The following PAPPA2 variants were observed in gnomAD, a reference collection of about 807,000 sequenced individuals.
PAPPA2 encodes pappalysin-2.
In PAPPA2, 86 loss-of-function variants were observed where a neutral mutation model predicts 176.4. The observed-to-expected ratio is 0.49, with a 90% CI of 0.41 to 0.58. The LOEUF (loss-of-function observed/expected upper bound fraction) is 0.58. Among genes scored for constraint, PAPPA2 ranks in the 20% least tolerant of loss-of-function variants. PAPPA2 has a pLI of 0.00. For missense variants in PAPPA2, 2,073 were observed against 2,256.9 expected (o/e 0.92, Z 1.65); for synonymous variants, 809 against 852.2 (o/e 0.95, Z 0.88).
At chr1:176,805,878 A>G (rs1333357888) in intron 21 of PAPPA2, among the ~76,000 whole-genome samples, 1 of 151,282 alleles carries the variant, frequency 6.6e-6, no homozygotes, top group African/African-American at 2.4e-5. Context: ...GTCCCCAGAT[A>G]CTCAGGAGGC....
chr1:176,488,117 G>A (rs1254690003), intron 1 of PAPPA2, among the ~76,000 whole-genome samples: 1 of 152,120 alleles, frequency 6.6e-6, no homozygotes, highest in African/African-American at 2.4e-5. Flanking sequence ...TGCGTGGATA[G>A]AAAATAGGCC....
At chr1:176,670,507 T>C (rs1658930493) in intron 3 of PAPPA2, among the ~76,000 whole-genome samples, 1 of 152,224 alleles carries the variant, frequency 6.6e-6, no homozygotes, top group African/African-American at 2.4e-5. Context: ...CTTTTTTCTT[T>C]TAAAAATAAT....
intron 1 of PAPPA2, among the ~76,000 whole-genome samples, chr1:176,481,860 A>G (rs1160963976): frequency 6.7e-6 from 1 of 149,882 alleles, no homozygotes; most frequent in Non-Finnish European, 1.5e-5. Context: ...GTGCACCACT[A>G]TGCCTGGCTA....
In PAPPA2 at chr1:176,595,308, C is replaced by T. The variant is rs372971723; in HGVS notation, c.1704C>T (p.Ser568=). The T allele has an allele frequency of 1.2e-5, 19 of 1,614,080 alleles. No individual in the cohort carries two copies. Among genetic ancestry groups the T allele is most frequent in the South Asian group, 9.9e-5 (9 of 91,090 alleles). The change falls in exon 3 of 23, where the codon AGC becomes AGT. Residue 568 remains serine, a synonymous_variant. Coordinates refer to ENST00000367662, the MANE Select transcript of PAPPA2 (RefSeq NM_020318.3). The part of the protein sequence containing the change: ...FSRYNISWQL[S]VHQVHNSTLR... ...GCTACAACATCAGCTGGCAGCTGAG[C>T]GTCCACCAGGTCCACAATTCCACCC...
rs1042783395 is a variant in PAPPA2 at position 176,479,756 on chromosome 1, G to C, written c.-917+16338G>C. Among the ~76,000 whole-genome samples, 3 of 152,168 alleles carry C rather than the reference G, an allele frequency of 2.0e-5. No homozygotes were observed. In the East Asian group the frequency reaches 5.8e-4, roughly 29 times the overall value. On this transcript the variant is annotated intron_variant, in intron 1 of 22. Coordinates refer to ENST00000367662, the MANE Select transcript of PAPPA2 (RefSeq NM_020318.3). The stretch of plus-strand genomic sequence containing the variant: ...TCTATAGAAAAAGTTTGAATACCTT[G>C]CTTTCTGCATGGAATTTAGGAAATT...
At chr1:176,724,803 T>C (rs1362365866) in intron 12 of PAPPA2, among the ~76,000 whole-genome samples, 3 of 152,244 alleles carry the variant, frequency 2.0e-5, no homozygotes, top group Non-Finnish European at 2.9e-5. Context: ...AACGCATTGA[T>C]TGAAATTTAT....
chr1:176,697,040 T>G (rs1025736754), intron 7 of PAPPA2, among the ~76,000 whole-genome samples: 2 of 152,040 alleles, frequency 1.3e-5, no homozygotes, highest in Non-Finnish European at 2.9e-5. Context: ...AAGGGCCATT[T>G]TGTGTGTGTG....
At chr1:176,589,801 C>G (rs1416659572) in intron 2 of PAPPA2, among the ~76,000 whole-genome samples, 1 of 152,212 alleles carries the variant, frequency 6.6e-6, no homozygotes, top group Non-Finnish European at 1.5e-5. Context: ...TCAAGAGTTT[C>G]ACCAAGTATA....
At chr1:176,708,521 A>G (rs1660986811) in intron 10 of PAPPA2, among the ~76,000 whole-genome samples, 2 of 141,992 alleles carry the variant, frequency 1.4e-5, no homozygotes, top group South Asian at 4.5e-4. Context: ...ACAAAACTAT[A>G]CGTACATGTA....
chr1:176,798,414 T>C (rs1665536123), intron 20 of PAPPA2, among the ~76,000 whole-genome samples: 1 of 152,180 alleles, frequency 6.6e-6, no homozygotes, highest in Non-Finnish European at 1.5e-5. Context: ...ATTGAATAAC[T>C]GACTGATTAG....
intron 21 of PAPPA2, among the ~76,000 whole-genome samples, chr1:176,828,167 G>A (rs568374999): frequency 2.6e-5 from 4 of 152,094 alleles, no homozygotes; most frequent in East Asian, 1.9e-4. Context: ...CCCTATCATC[G>A]TGATCAGACA....
intron 12 of PAPPA2, among the ~76,000 whole-genome samples, chr1:176,719,549 A>T (rs1290433455): frequency 6.6e-6 from 1 of 152,068 alleles, no homozygotes; most frequent in Non-Finnish European, 1.5e-5. Flanking sequence ...AGTTCCTTTA[A>T]CGTAAGTTTT....
chr1:176,740,510 A>G (rs1662628569), intron 14 of PAPPA2, among the ~76,000 whole-genome samples: 1 of 152,182 alleles, frequency 6.6e-6, no homozygotes, highest in Non-Finnish European at 1.5e-5. Flanking sequence ...AACTGCCAAA[A>G]ATTCTCTGCC....
At chr1:176,598,880 C>G (rs1654128997) in intron 3 of PAPPA2, among the ~76,000 whole-genome samples, 1 of 152,014 alleles carries the variant, frequency 6.6e-6, no homozygotes, top group Admixed American at 6.5e-5. Context: ...GCTACTGTGT[C>G]CTGAATTACA....
At chr1:176,691,580 C>A (rs531070770) in intron 5 of PAPPA2, among the ~76,000 whole-genome samples, 3 of 152,294 alleles carry the variant, frequency 2.0e-5, no homozygotes, top group Admixed American at 2.0e-4. Context: ...AAGTTCCTGG[C>A]ACTAAGAAAA....
chr1:176,535,262 C>T (rs935204271), intron 1 of PAPPA2, among the ~76,000 whole-genome samples: 3 of 152,154 alleles, frequency 2.0e-5, no homozygotes, highest in Non-Finnish European at 4.4e-5. Context: ...CCATGTTGCA[C>T]TATGAGGCAG....
intron 3 of PAPPA2, among the ~76,000 whole-genome samples, chr1:176,637,530 T>A (rs565879124): frequency 6.6e-6 from 1 of 152,246 alleles, no homozygotes; most frequent in African/African-American, 2.4e-5. Flanking sequence ...ATCACTGAAT[T>A]TGTGGGACAG....
At chr1:176,728,632 G>T (rs976953772) in intron 12 of PAPPA2, among the ~76,000 whole-genome samples, 1 of 151,724 alleles carries the variant, frequency 6.6e-6, no homozygotes, top group Non-Finnish European at 1.5e-5. Context: ...ATCCAAACAA[G>T]ATATTCAAAA....
At chr1:176,591,121 ACAC>A (rs1653637335) in intron 2 of PAPPA2, among the ~76,000 whole-genome samples, 1 of 150,640 alleles carries the variant, frequency 6.6e-6, no homozygotes, top group South Asian at 2.1e-4. Flanking sequence ...ACACACACAC[ACAC>A]AAAATTCCAG....
Sources: allele counts gnomAD v4.1 joint callset (sites outside exome capture counted in the v4.1 genomes callset), GRCh38; gene constraint gnomAD v4.1.1; transcripts MANE v1.5; gene names NCBI Gene and HGNC (gene_info 2026-07-23, HGNC 2026-07-21).